Variants in NSFL1C observed in about 807,000 individuals in gnomAD.
NSFL1C encodes the protein NSFL1 cofactor p47.
Under a neutral mutation model 43.1 loss-of-function variants are expected in NSFL1C, and 14 were observed. The ratio of observed to expected loss-of-function variants is 0.32; its 90% confidence interval spans 0.21 to 0.51. The LOEUF is 0.51. NSFL1C is among the 20% of genes least tolerant of loss of function. NSFL1C has a pLI of 0.98. For missense variants in NSFL1C, 406 were observed against 472.5 expected (o/e 0.86, Z 1.30); for synonymous variants, 171 against 183.5 (o/e 0.93, Z 0.55).
intron 2 of NSFL1C, 140 bp from the exon 3 acceptor site, chr20:1,458,414 T>A: frequency 1.6e-6 from 1 of 636,628 alleles, no homozygotes; most frequent in Non-Finnish European, 2.8e-6. Flanking sequence ...GAAAGGTTAA[T>A]CCCCTAAGAT....
rs2090521371 is a variant in NSFL1C, at chr20:1,466,708, G to A, written c.105+12C>T. ...CCCGGCCCACCCGACACAGCCCGCC[G>A]CGCGGCGCTACCTGCAAGTCCCAGC... On this transcript the variant is annotated intron_variant, in intron 1 of 8. Transcript: ENST00000216879. 2.6e-6 allele frequency: 4 copies of A among 1,540,068 alleles called. No homozygotes were observed. The highest frequency in any genetic ancestry group is 1.7e-6 in the Non-Finnish European group (2 of 1,146,986).
chr20:1,445,612 C>T lies in NSFL1C; in HGVS notation c.950+54G>A, dbSNP rs774272943. On this transcript the variant is annotated intron_variant, in intron 8 of 8. Transcript: ENST00000216879. ...CGGCTCTCTGCTTCCCACACATTTG[C>T]GTGAGGCCCAGAGGACACTCCTAGA... 8.2e-5 allele frequency: 129 copies of T among 1,577,446 alleles called. 1 individual carries two copies. The highest frequency in any genetic ancestry group is 2.3e-4 in the Middle Eastern group (1 of 4,272).
chr20:1,455,714 C>G, intron 3 of NSFL1C: 1 of 779,712 alleles, frequency 1.3e-6, no homozygotes, highest in East Asian at 2.4e-5. Context: ...CCCTACCTAC[C>G]TGCTCCTTAA....
In NSFL1C at chr20:1,451,883, A is replaced by C. The variant is rs1158751880; in HGVS notation, c.785+610T>G. Among the ~76,000 whole-genome samples the C allele has an allele frequency of 2.0e-5, 3 of 152,250 alleles. No homozygotes were observed. In the East Asian group the frequency reaches 5.8e-4, roughly 29 times the overall value. The stretch of plus-strand genomic sequence containing the variant: ...ATGCAGAAAAAGTCACAAGTGGCAG[A>C]GTGAGTGTCAGGAAGGGCCAAATAA... On this transcript the variant is annotated intron_variant, in intron 7 of 8. Coordinates refer to ENST00000216879, the MANE Select transcript of NSFL1C (RefSeq NM_016143.5).
At chr20:1,453,197 C>A (rs1445072636) in intron 5 of NSFL1C, 57 bp from the exon 6 acceptor site, 7 of 988,866 alleles carry the variant, frequency 7.1e-6, no homozygotes, top group Non-Finnish European at 1.1e-5. Flanking sequence ...CCAATTTGAA[C>A]TTGCAAATTA....
rs890406320 is a variant in NSFL1C at position 1,442,362 on chromosome 20, T to C, written c.*1387A>G. ...GTCCCTTGCTCAGGATGGGTCTTGG[T>C]TGAAACCACAAGCCCTTCTGCAGTT... On this transcript the variant is annotated 3_prime_UTR_variant, in exon 9 of 9. Coordinates refer to ENST00000216879, the MANE Select transcript of NSFL1C (RefSeq NM_016143.5). The C allele has an allele frequency of 6.6e-6, 1 of 152,148 alleles. No individual in the cohort carries two copies. The highest frequency in any genetic ancestry group is 6.5e-5 in the Admixed American group (1 of 15,276). The allele number at this position is 152,148 out of a possible 1,614,324, so 9.4% of individuals were successfully genotyped here. A position where few individuals can be genotyped will look rare whatever the true frequency, so the allele number is the denominator to read the frequency against.
rs2090525188 is a variant in NSFL1C at position 1,466,821 on chromosome 20, C to T, written c.4G>A (p.Ala2Thr). The T allele has an allele frequency of 6.5e-7, 1 of 1,536,782 alleles. No homozygotes were observed. The highest frequency in any genetic ancestry group is 8.7e-7 in the Non-Finnish European group (1 of 1,143,932). The change falls in exon 1 of 9, where the codon GCG becomes ACG. Residue 2 changes from alanine to threonine, a missense_variant. By Grantham distance (58) the Ala-to-Thr change is moderately conservative. This residue lies in a region of NSFL1C where 203 missense variants were observed against 216.3 expected (regional missense o/e 0.94). Coordinates refer to ENST00000216879, the MANE Select transcript of NSFL1C (RefSeq NM_016143.5). ...CTCAGCGCCTCCTGTCGCTCCGCCG[C>T]CATCTTCGCCCCGTGCGCCTTCCAA... M[A>T]AERQEALREF...
chr20:1,457,202 TAAAAAG>T (rs1464935111), intron 3 of NSFL1C: 3 of 152,176 alleles, frequency 2.0e-5, no homozygotes, highest in Non-Finnish European at 4.4e-5. Context: ...TTTTTTAAAT[TAAAAAG>T]AAAAAGCTGG....
Position 1,443,154 on chromosome 20 carries a change from G to A in NSFL1C, c.*595C>T, listed in dbSNP as rs1047606720. The stretch of plus-strand genomic sequence containing the variant: ...AGATACCCCAGGGGTTGAGTAAAAG[G>A]AGCACAGGGAAATATTTATTTTCAC... On this transcript the variant is annotated 3_prime_UTR_variant, in exon 9 of 9. Transcript: ENST00000216879. 1 of 152,346 alleles carries A rather than the reference G, an allele frequency of 6.6e-6. No individual in the cohort carries two copies. The highest frequency in any genetic ancestry group is 1.5e-5 in the Non-Finnish European group (1 of 68,150). The allele number at this position is 152,346 out of a possible 1,614,324, so 9.4% of individuals were successfully genotyped here.
chr20:1,454,990 G>T lies in NSFL1C; in HGVS notation c.421C>A (p.Pro141Thr), dbSNP rs770321045. 3 of 1,613,686 alleles carry T rather than the reference G, an allele frequency of 1.9e-6. No homozygotes were observed. Among genetic ancestry groups the T allele is most frequent in the Non-Finnish European group, 2.5e-6 (3 of 1,180,026 alleles). ...ACTCTCGGTTTACTGGTCTCTCCAGGGCTCTTGGTCACTCGCTCCACAGCT... is the reference window on the plus strand; with the variant it reads ...ACTCTCGGTTTACTGGTCTCTCCAGTGCTCTTGGTCACTCGCTCCACAGCT... ...AVAVERVTKS[P>T]GETSKPRPFA... Residue 141 changes from proline to threonine, a missense_variant, in exon 4 of 9, where the codon CCT (proline) becomes ACT (threonine). Transcript: ENST00000216879.
chr20:1,463,025 G>A (rs982252566), intron 2 of NSFL1C, among the ~76,000 whole-genome samples: 1 of 152,138 alleles, frequency 6.6e-6, no homozygotes, highest in Non-Finnish European at 1.5e-5. Flanking sequence ...CGAGGAAAAT[G>A]AGGAACTGAA....
At chr20:1,456,751 C>T (rs1210138782) in intron 3 of NSFL1C, 3 of 152,056 alleles carry the variant, frequency 2.0e-5, no homozygotes, top group Non-Finnish European at 4.4e-5. Flanking sequence ...CTGGTATTTC[C>T]ATTTTTAAAA....
chr20:1,450,113 AGATAATTAAGATTTT>A (rs1199608019), intron 7 of NSFL1C, among the ~76,000 whole-genome samples: 1 of 152,216 alleles, frequency 6.6e-6, no homozygotes, highest in Non-Finnish European at 1.5e-5. Flanking sequence ...GTATTTTCCC[AGATAATTAAGATTTT>A]GAAAAAGCCC....
At chr20:1,444,252 C>G (rs1256646462) in intron 8 of NSFL1C, among the ~76,000 whole-genome samples, 1 of 152,216 alleles carries the variant, frequency 6.6e-6, no homozygotes, top group Non-Finnish European at 1.5e-5. Context: ...CCTGCCTGAT[C>G]CCCTTTCTGT....
chr20:1,463,179 G>A (rs1049297644), intron 2 of NSFL1C, among the ~76,000 whole-genome samples: 9 of 152,020 alleles, frequency 5.9e-5, no homozygotes, highest in African/African-American at 1.9e-4. Flanking sequence ...AAAGAAAGGA[G>A]TAAACATGTA....
intron 1 of NSFL1C, 86 bp from the exon 2 acceptor site, chr20:1,464,512 T>C: frequency 3.8e-6 from 4 of 1,057,708 alleles, no homozygotes; most frequent in Middle Eastern, 2.1e-4. Context: ...AATACAGACA[T>C]GGCCAACACT....
intron 2 of NSFL1C, among the ~76,000 whole-genome samples, chr20:1,462,638 C>T (rs2090436127): frequency 6.6e-6 from 1 of 152,032 alleles, no homozygotes; most frequent in Admixed American, 6.5e-5. Flanking sequence ...TCTCCTGCCT[C>T]AGCCTCCCGG....
rs744806 is a variant in NSFL1C at position 1,458,394 on chromosome 20, G to A, written c.204-120C>T. 4.6e-3 allele frequency: 3,288 copies of A among 720,268 alleles called. 86 individuals carry two copies. In the African/African-American group the frequency reaches 0.051, roughly 11 times the overall value. The allele number at this position is 720,268 out of a possible 1,614,324, so 44.6% of individuals were successfully genotyped here. On this transcript the variant is annotated intron_variant, in intron 2 of 8. Transcript: ENST00000216879. ...CATTTTTGGTAGGCGAGAGGAGGAC[G>A]TTATGTGGAGAAAGGTTAATCCCCT...
At chr20:1,460,061 C>T (rs2090379208) in intron 2 of NSFL1C, among the ~76,000 whole-genome samples, 1 of 152,174 alleles carries the variant, frequency 6.6e-6, no homozygotes, top group Admixed American at 6.5e-5. Flanking sequence ...ATTCCAATCC[C>T]AATTCTGCCT....
Sources: allele counts gnomAD v4.1 joint callset (sites outside exome capture counted in the v4.1 genomes callset), GRCh38; gene constraint gnomAD v4.1.1; regional missense constraint gnomAD v4.1.1; transcripts MANE v1.5; gene names NCBI Gene and HGNC (gene_info 2026-07-23, HGNC 2026-07-21).